RBFOX1: variants seen among roughly 807,000 people sequenced by gnomAD.
RBFOX1 encodes the protein RNA binding protein fox-1 homolog 1.
A neutral mutation model predicts 57.7 loss-of-function variants in RBFOX1; 8 were observed. The observed-to-expected ratio is 0.14, with a 90% CI of 0.08 to 0.25. The LOEUF (loss-of-function observed/expected upper bound fraction) is 0.25. Among genes scored for constraint, RBFOX1 ranks in the 10% least tolerant of loss-of-function variants. RBFOX1 has a pLI of 1.00. For missense variants in RBFOX1, 611 were observed against 548.5 expected, an observed-to-expected ratio of 1.11 and a Z score of -1.14; for synonymous variants, 326 against 222.4, an observed-to-expected ratio of 1.47 and a Z score of -4.15.
chr16:6,938,127 T>A (rs748120932), intron 3 of RBFOX1, among the ~76,000 whole-genome samples: 1 of 152,162 alleles, frequency 6.6e-6, no homozygotes, highest in Non-Finnish European at 1.5e-5. Context: ...AATCTACATA[T>A]AGAAATTTTG....
intron 4 of RBFOX1, among the ~76,000 whole-genome samples, chr16:7,245,123 T>G (rs11643382): frequency 0.22 from 33,384 of 152,130 alleles, 4,504 homozygotes; most frequent in African/African-American, 0.39. Context: ...TGTTGTTACT[T>G]AGTCTAGATT....
chr16:5,922,160 C>G (rs115427381), intron 4 of RBFOX1, among the ~76,000 whole-genome samples: 2 of 152,042 alleles, frequency 1.3e-5, no homozygotes, highest in African/African-American at 4.8e-5. Flanking sequence ...GACCCTGTCT[C>G]GACAAAGAAA....
At chr16:5,603,356 G>T (rs1458799297), downstream of RBFOX1, among the ~76,000 whole-genome samples, 1 of 152,004 alleles carries the variant, frequency 6.6e-6, no homozygotes, top group Admixed American at 6.6e-5. Context: ...GGAAACTGAG[G>T]CTCAGAAGGG....
intron 2 of RBFOX1, among the ~76,000 whole-genome samples, chr16:6,648,077 A>G (rs1392266095): frequency 6.6e-6 from 1 of 152,126 alleles, no homozygotes; most frequent in Non-Finnish European, 1.5e-5. Flanking sequence ...TCCTGGCCTC[A>G]AGTGATCCAC....
At chr16:6,096,637 G>A (rs553159485) in intron 1 of RBFOX1, among the ~76,000 whole-genome samples, 6 of 152,120 alleles carry the variant, frequency 3.9e-5, no homozygotes, top group African/African-American at 9.6e-5. Context: ...CTTTTCATTG[G>A]GTTTGATACA....
chr16:5,422,227 G>A (rs1370310004), intron 1 of RBFOX1, among the ~76,000 whole-genome samples: 1 of 148,130 alleles, frequency 6.8e-6, no homozygotes, highest in Non-Finnish European at 1.5e-5. Flanking sequence ...AGAGGAGGGA[G>A]AGGGAGAGGG....
intron 11 of RBFOX1, among the ~76,000 whole-genome samples, chr16:7,651,460 TCCAGTGAGGCTTC>T (rs1376791060): frequency 1.3e-5 from 2 of 152,190 alleles, no homozygotes; most frequent in Non-Finnish European, 2.9e-5. Flanking sequence ...AGCCAGGGCC[TCCAGTGAGGCTTC>T]TCATGCACAT....
At chr16:5,585,385 A>C (rs925514300) in intron 2 of RBFOX1, among the ~76,000 whole-genome samples, 1 of 152,194 alleles carries the variant, frequency 6.6e-6, no homozygotes, top group Admixed American at 6.5e-5. Flanking sequence ...TGGCTGAGCC[A>C]TGTTTTATTG....
At chr16:6,967,318 T>C (rs988606556) in intron 3 of RBFOX1, among the ~76,000 whole-genome samples, 7 of 152,204 alleles carry the variant, frequency 4.6e-5, no homozygotes, top group African/African-American at 1.7e-4. Flanking sequence ...GATCTGTCTA[T>C]ACATCCATCC....
chr16:6,774,003 T>C, intron 3 of RBFOX1: 1 of 985,334 alleles, frequency 1.0e-6, no homozygotes, highest in Non-Finnish European at 1.2e-6. Context: ...AATTAGCTCC[T>C]CAGAGACCAG....
At chr16:5,885,289 C>T (rs1033597639) in intron 4 of RBFOX1, among the ~76,000 whole-genome samples, 4 of 150,972 alleles carry the variant, frequency 2.6e-5, no homozygotes, top group Non-Finnish European at 4.4e-5. Flanking sequence ...GTGTTCTTAC[C>T]CAGAATGTCA....
intron 3 of RBFOX1, among the ~76,000 whole-genome samples, chr16:6,812,527 C>G (rs2088960835): frequency 1.3e-5 from 2 of 152,036 alleles, no homozygotes; most frequent in Admixed American, 6.6e-5. Flanking sequence ...GCACATGACA[C>G]CACGCCCAGC....
intron 3 of RBFOX1, among the ~76,000 whole-genome samples, chr16:6,762,365 C>T (rs111615895): frequency 6.6e-6 from 1 of 151,752 alleles, no homozygotes. Flanking sequence ...TTTTAGCAAC[C>T]CTTACTAGTG....
chr16:6,091,323 C>T lies in RBFOX1; in HGVS notation c.-127+71331C>T, dbSNP rs551896182. Among the ~76,000 whole-genome samples, 10 of 152,278 alleles carry T rather than the reference C, an allele frequency of 6.6e-5. No individual in the cohort carries two copies. The South Asian group carries it at 2.1e-3, about 32-fold the overall frequency. ...ATGAAGTCTTTAAAAGCTATTTCGT[C>T]AGAAGAAGATTTGTCTGACCCCCTT... On this transcript the variant is annotated intron_variant, in intron 1 of 15. Coordinates refer to ENST00000550418, the MANE Select transcript of RBFOX1 (RefSeq NM_018723.4).
intron 1 of RBFOX1, among the ~76,000 whole-genome samples, chr16:5,284,077 C>A (rs2063335422): frequency 6.6e-6 from 1 of 151,998 alleles, no homozygotes; most frequent in Non-Finnish European, 1.5e-5. Flanking sequence ...CTCGCAAGAT[C>A]TGATGGTTTT....
In RBFOX1 at chr16:6,428,757, C is replaced by A. The variant is rs568985395; in HGVS notation, c.-64+111700C>A. Among the ~76,000 whole-genome samples the A allele has an allele frequency of 9.2e-5, 14 of 152,232 alleles. No individual in the cohort carries two copies. In the East Asian group the frequency reaches 2.5e-3, roughly 27 times the overall value. On this transcript the variant is annotated intron_variant, in intron 2 of 15. Coordinates refer to ENST00000550418, the MANE Select transcript of RBFOX1 (RefSeq NM_018723.4). ...AATATACATGCTCATCTATATAGTT[C>A]TTTGATATAATCATTTTTATTCTAT...
chr16:7,518,458 G>A (rs1228871447), intron 5 of RBFOX1, 69 bp downstream of exon 5: 5 of 1,532,596 alleles, frequency 3.3e-6, no homozygotes, highest in Non-Finnish European at 4.4e-6. Context: ...AATGGCAGCG[G>A]GGGTGCACCC....
chr16:5,889,590 A>G (rs1380423319), intron 4 of RBFOX1, among the ~76,000 whole-genome samples: 3 of 152,224 alleles, frequency 2.0e-5, no homozygotes, highest in African/African-American at 7.2e-5. Context: ...AGCACCCACT[A>G]TGTGCCAGTC....
chr16:6,766,114 C>T (rs898191341), intron 3 of RBFOX1, among the ~76,000 whole-genome samples: 6 of 151,220 alleles, frequency 4.0e-5, no homozygotes, highest in African/African-American at 1.5e-4. Flanking sequence ...AACCTGTAAC[C>T]CTAAAGCTAT....
Sources: gnomAD v4.1 joint callset for allele counts (sites outside exome capture counted in the v4.1 genomes callset) on GRCh38, gnomAD v4.1.1 for gene constraint, MANE v1.5 for transcripts, NCBI Gene and HGNC (gene_info 2026-07-23, HGNC 2026-07-21) for gene names.